LRGUK: variants seen among roughly 807,000 people sequenced by gnomAD.
The protein encoded by LRGUK is leucine rich repeats and guanylate kinase domain containing.
A neutral mutation model predicts 76.0 loss-of-function variants in LRGUK; 65 were observed. The observed-to-expected ratio is 0.85, with a 90% CI of 0.70 to 1.05. LRGUK has a LOEUF of 1.05. LRGUK is among the 50% of genes least tolerant of loss of function. The pLI, the probability that LRGUK is intolerant of heterozygous loss-of-function variation, is 0.00. For synonymous variants in LRGUK, 268 were observed against 265.6 expected, an observed-to-expected ratio of 1.01 and a Z score of -0.09; for missense variants, 758 against 732.8, an observed-to-expected ratio of 1.03 and a Z score of -0.40.
intron 2 of LRGUK, among the ~76,000 whole-genome samples, chr7:134,137,697 A>C (rs1346975975): frequency 6.6e-6 from 1 of 152,228 alleles, no homozygotes; most frequent in Non-Finnish European, 1.5e-5. Context: ...TTTTATCAAA[A>C]GAGAGGCTGT....
At chr7:134,133,636 G>C (rs768546538) in intron 1 of LRGUK, among the ~76,000 whole-genome samples, 20 of 152,166 alleles carry the variant, frequency 1.3e-4, no homozygotes, top group Non-Finnish European at 2.8e-4. Context: ...TCCCCCTGAT[G>C]AATGAGGAAC....
chr7:134,190,586 A>G lies in LRGUK; in HGVS notation c.1335-1069A>G, dbSNP rs567446123. Among the ~76,000 whole-genome samples the G allele has an allele frequency of 3.9e-5, 6 of 152,358 alleles. No homozygotes were observed. The East Asian group carries it at 1.2e-3, about 29-fold the overall frequency. ...GCACTTAACAGTGGAAGGCAGAATT[A>G]TATGAACTCAAGAGTCCTGGTGGTT... On this transcript the variant is annotated intron_variant, in intron 11 of 15. Transcript: ENST00000645682.
chr7:134,146,356 T>C (rs1322286500), intron 4 of LRGUK, among the ~76,000 whole-genome samples: 3 of 152,158 alleles, frequency 2.0e-5, no homozygotes, highest in African/African-American at 7.2e-5. Flanking sequence ...GTTATACAGA[T>C]GTCATACTAT....
intron 13 of LRGUK, among the ~76,000 whole-genome samples, chr7:134,199,002 T>C (rs569822978): frequency 1.9e-4 from 29 of 152,312 alleles, no homozygotes; most frequent in Non-Finnish European, 3.5e-4. Context: ...GTGGAGTGAA[T>C]TGTAATATTT....
At position 134,249,063 on chromosome 7, in the gene LRGUK, T is replaced by C. The variant is rs574854298; in HGVS notation, c.2185T>C (p.Tyr729His). 1.0e-5 allele frequency: 16 copies of C among 1,575,540 alleles called. No homozygotes were observed. Among genetic ancestry groups the C allele is most frequent in the African/African-American group, 6.8e-5 (5 of 73,446 alleles). The change falls in exon 18 of 20, where the codon TAT (tyrosine) becomes CAT (histidine). Residue 729 changes from tyrosine (Y) to histidine (H), a missense_variant. Physicochemically the swap from Tyr to His is moderately conservative, Grantham distance 83. Transcript: ENST00000285928. The stretch of plus-strand genomic sequence containing the variant: ...CTATTTTAAACCTCCATTTGGACCA[T>C]ATCCTGAAAAGAGGTGAGTTGAGGT...
chr7:134,160,833 AATC>A (rs1260233996), intron 6 of LRGUK, among the ~76,000 whole-genome samples: 1 of 152,200 alleles, frequency 6.6e-6, no homozygotes, highest in African/African-American at 2.4e-5. Context: ...TTTCCCAACT[AATC>A]ATTATGAAAC....
At chr7:134,177,001 G>A (rs754404912) in exon 9 of LRGUK, 37 of 1,601,168 alleles carry the variant, frequency 2.3e-5, no homozygotes, top group Middle Eastern at 1.7e-4. Flanking sequence ...TTGGTTCTTC[G>A]TAATTTTTAT....
At chr7:134,244,689 C>A (rs182000311) in intron 16 of LRGUK, among the ~76,000 whole-genome samples, 3,595 of 152,250 alleles carry the variant, frequency 0.024, 88 homozygotes, top group African/African-American at 0.059. Context: ...TTTGACCCAG[C>A]CATCCCATTA....
At chr7:134,220,578 T>TC (rs1491281544) in intron 15 of LRGUK, among the ~76,000 whole-genome samples, 1 of 145,748 alleles carries the variant, frequency 6.9e-6, no homozygotes, top group Non-Finnish European at 1.5e-5. Context: ...GTCTTCTTCT[T>TC]CTTTTTTTTT....
chr7:134,167,840 G>A (rs535675750), intron 7 of LRGUK, among the ~76,000 whole-genome samples: 7 of 152,202 alleles, frequency 4.6e-5, no homozygotes, highest in South Asian at 2.1e-4. Flanking sequence ...CTCTGACCCC[G>A]TCTGGCCTCT....
exon 2 of LRGUK, chr7:134,137,027 A>G (rs1214739251): frequency 2.5e-6 from 4 of 1,611,738 alleles, no homozygotes; most frequent in Non-Finnish European, 2.5e-6. Flanking sequence ...TTACAGGAGG[A>G]ATTTGATGGG....
intron 2 of LRGUK, among the ~76,000 whole-genome samples, chr7:134,138,411 T>C (rs1433627308): frequency 7.2e-5 from 11 of 152,166 alleles, no homozygotes; most frequent in African/African-American, 2.7e-4. Context: ...GATTTTTTTT[T>C]CCTTTATGTC....
At chr7:134,221,206 G>A (rs1036735491) in intron 15 of LRGUK, among the ~76,000 whole-genome samples, 6 of 152,098 alleles carry the variant, frequency 3.9e-5, no homozygotes, top group African/African-American at 1.4e-4. Context: ...TCCTGAAATT[G>A]TTGATGCTCC....
intron 10 of LRGUK, among the ~76,000 whole-genome samples, chr7:134,182,091 G>A (rs182830371): frequency 1.3e-5 from 2 of 152,228 alleles, no homozygotes; most frequent in African/African-American, 4.8e-5. Context: ...AATATAAATA[G>A]AATCATACAG....
chr7:134,198,444 A>G (rs1017903237), intron 13 of LRGUK, among the ~76,000 whole-genome samples: 2 of 152,262 alleles, frequency 1.3e-5, no homozygotes, highest in Non-Finnish European at 2.9e-5. Flanking sequence ...CTGGTCATTG[A>G]CTGTTTCAGA....
intron 7 of LRGUK, among the ~76,000 whole-genome samples, chr7:134,169,523 T>C (rs1312372645): frequency 6.6e-6 from 1 of 152,238 alleles, no homozygotes; most frequent in Admixed American, 6.5e-5. Context: ...TATGATCTTT[T>C]GTAATTTCTG....
At chr7:134,211,630 C>T (rs1801275743), downstream of LRGUK, among the ~76,000 whole-genome samples, 1 of 152,178 alleles carries the variant, frequency 6.6e-6, no homozygotes. Flanking sequence ...GAATACCTTC[C>T]TTCTTTCTCT....
chr7:134,244,675 A>G (rs1346593569), intron 16 of LRGUK, among the ~76,000 whole-genome samples: 3 of 152,292 alleles, frequency 2.0e-5, no homozygotes, highest in South Asian at 2.1e-4. Context: ...AACTAGAAAT[A>G]CCATTTGACC....
exon 14 of LRGUK, chr7:134,199,252 G>C: frequency 6.2e-7 from 1 of 1,613,774 alleles, no homozygotes. Flanking sequence ...CCTATTTTGA[G>C]CCTCGTTATA....
Sources: gnomAD v4.1 joint callset for allele counts (sites outside exome capture counted in the v4.1 genomes callset) on GRCh38, gnomAD v4.1.1 for gene constraint, MANE v1.5 for transcripts, NCBI Gene and HGNC (gene_info 2026-07-23, HGNC 2026-07-21) for gene names.